PTPRR: variants seen among roughly 807,000 people sequenced by gnomAD.
PTPRR encodes protein tyrosine phosphatase receptor type R.
In PTPRR, 38 loss-of-function variants were observed where a neutral mutation model predicts 77.2. That is an observed-to-expected ratio of 0.49 (90% CI 0.38 to 0.65). The LOEUF is 0.65. PTPRR is among the 30% of genes least tolerant of loss of function. PTPRR has a pLI of 0.00. For missense variants in PTPRR, 744 were observed against 799.2 expected, an observed-to-expected ratio of 0.93 and a Z score of 0.83; for synonymous variants, 299 against 283.1, an observed-to-expected ratio of 1.06 and a Z score of -0.57.
chr12:70,754,577 G>A (rs2136950095), intron 4 of PTPRR: 1 of 1,597,530 alleles, frequency 6.3e-7, no homozygotes, highest in South Asian at 1.1e-5. Flanking sequence ...GTCTCTCTTG[G>A]AAACTACCTG....
chr12:70,760,022 G>A (rs7972716), intron 4 of PTPRR, among the ~76,000 whole-genome samples: 3,831 of 152,174 alleles, frequency 0.025, 160 homozygotes, highest in African/African-American at 0.087. Context: ...AGAGAGAGGC[G>A]CAAAACCAAA....
chr12:70,711,662 G>C (rs1180393538), intron 6 of PTPRR, among the ~76,000 whole-genome samples: 1 of 151,898 alleles, frequency 6.6e-6, no homozygotes, highest in East Asian at 1.9e-4. Context: ...CCTTAAATTT[G>C]TTTTTAGTCA....
intron 2 of PTPRR, among the ~76,000 whole-genome samples, chr12:70,851,263 C>T (rs765306497): frequency 3.9e-5 from 6 of 152,096 alleles, no homozygotes; most frequent in Admixed American, 6.6e-5. Flanking sequence ...TAATGACCCT[C>T]TGGTAAAATA....
In PTPRR at chr12:70,663,070, A is replaced by G. The variant is rs541579627; in HGVS notation, c.1498-465T>C. On this transcript the variant is annotated intron_variant, in intron 10 of 13. Coordinates refer to ENST00000283228, the MANE Select transcript of PTPRR (RefSeq NM_002849.4). ...TTCAACAAACTTATGTCTAATGAGA[A>G]TATCTAATATGTTAGGTGGCATACA... 6.6e-5 allele frequency among the ~76,000 whole-genome samples: 10 copies of G among 152,366 alleles called. No individual in the cohort carries two copies. The East Asian group carries it at 1.7e-3, about 26-fold the overall frequency.
chr12:70,913,403 T>C (rs948970974), intron 1 of PTPRR, among the ~76,000 whole-genome samples: 6 of 152,188 alleles, frequency 3.9e-5, no homozygotes, highest in Non-Finnish European at 7.4e-5. Flanking sequence ...TCCCACCTGA[T>C]TTTGAATGTG....
intron 2 of PTPRR, among the ~76,000 whole-genome samples, chr12:70,790,003 AG>A (rs1891395399): frequency 6.6e-6 from 1 of 152,208 alleles, no homozygotes; most frequent in Non-Finnish European, 1.5e-5. Context: ...AACAGTAAAA[AG>A]GATAATGTTA....
chr12:70,744,452 G>A (rs991153552), intron 6 of PTPRR, among the ~76,000 whole-genome samples: 2 of 152,188 alleles, frequency 1.3e-5, no homozygotes, highest in African/African-American at 4.8e-5. Flanking sequence ...ATCAATCTCT[G>A]TTTTCTTCCT....
chr12:70,910,731 C>T (rs114912478), intron 1 of PTPRR, among the ~76,000 whole-genome samples: 269 of 152,276 alleles, frequency 1.8e-3, no homozygotes, highest in African/African-American at 6.0e-3. Context: ...TCCTGATGCT[C>T]TAGAGGTACA....
chr12:70,880,025 A>T (rs768906336), intron 2 of PTPRR, among the ~76,000 whole-genome samples: 1 of 152,252 alleles, frequency 6.6e-6, no homozygotes, highest in South Asian at 2.1e-4. Context: ...AATAATCATG[A>T]TTCTCTGCAT....
chr12:70,780,272 G>C (rs1220958265), intron 2 of PTPRR, among the ~76,000 whole-genome samples: 1 of 152,146 alleles, frequency 6.6e-6, no homozygotes, highest in African/African-American at 2.4e-5. Flanking sequence ...TTACAGGCGT[G>C]AGCCACTGCA....
chr12:70,677,111 T>C (rs1013922511), intron 10 of PTPRR, among the ~76,000 whole-genome samples: 2 of 152,136 alleles, frequency 1.3e-5, no homozygotes, highest in African/African-American at 4.8e-5. Context: ...ATTTATAGTT[T>C]TCAGTATAAA....
At chr12:70,902,364 C>T (rs1893551607) in intron 1 of PTPRR, among the ~76,000 whole-genome samples, 1 of 151,822 alleles carries the variant, frequency 6.6e-6, no homozygotes, top group African/African-American at 2.4e-5. Flanking sequence ...TACTTGCAAA[C>T]ACACGTTTAT....
chr12:70,720,193 G>A (rs1889194195), intron 6 of PTPRR, among the ~76,000 whole-genome samples: 1 of 152,184 alleles, frequency 6.6e-6, no homozygotes, highest in Non-Finnish European at 1.5e-5. Flanking sequence ...GGGGAAGCAG[G>A]AAATAGAAAC....
chr12:70,833,047 A>G (rs1330074008), intron 2 of PTPRR, among the ~76,000 whole-genome samples: 1 of 152,196 alleles, frequency 6.6e-6, no homozygotes, highest in Non-Finnish European at 1.5e-5. Context: ...CAGGGCACCA[A>G]GCCATTCATG....
chr12:70,756,166 G>C (rs528950404), intron 4 of PTPRR, among the ~76,000 whole-genome samples: 5 of 151,920 alleles, frequency 3.3e-5, no homozygotes, highest in Non-Finnish European at 7.4e-5. Context: ...ACAACTCCTA[G>C]AATATCAACA....
chr12:70,708,394 G>C (rs997012850), intron 6 of PTPRR, among the ~76,000 whole-genome samples: 1 of 152,090 alleles, frequency 6.6e-6, no homozygotes, highest in Admixed American at 6.6e-5. Flanking sequence ...TTGGAGTGTA[G>C]AAGCCAAGCT....
chr12:70,657,088 G>A (rs1314844581), intron 12 of PTPRR, among the ~76,000 whole-genome samples: 1 of 152,094 alleles, frequency 6.6e-6, no homozygotes, highest in Non-Finnish European at 1.5e-5. Flanking sequence ...AAATAATTAA[G>A]GTCTGCACTT....
At chr12:70,892,620 G>A in intron 2 of PTPRR, 59 bp downstream of exon 2, 4 of 1,566,440 alleles carry the variant, frequency 2.6e-6, no homozygotes, top group Non-Finnish European at 3.5e-6. Context: ...CTTTTTTCAA[G>A]CATCAATGAC....
At chr12:70,756,071 G>T (rs1443652667) in intron 4 of PTPRR, among the ~76,000 whole-genome samples, 1 of 152,034 alleles carries the variant, frequency 6.6e-6, no homozygotes, top group Non-Finnish European at 1.5e-5. Context: ...GTAAAATTTG[G>T]ATAAAAAGGG....
Sources: allele counts gnomAD v4.1 joint callset (sites outside exome capture counted in the v4.1 genomes callset), GRCh38; gene constraint gnomAD v4.1.1; transcripts MANE v1.5; gene names NCBI Gene and HGNC (gene_info 2026-07-23, HGNC 2026-07-21).